Variants in ERG observed in about 807,000 individuals in gnomAD.
ERG encodes transcriptional regulator ERG.
Under a neutral mutation model 55.3 loss-of-function variants are expected in ERG, and 9 were observed. That is an observed-to-expected ratio of 0.16 (90% CI 0.10 to 0.28). ERG has a LOEUF of 0.28. Ranked by LOEUF, ERG falls within the 10% of genes least tolerant of loss-of-function variation. The pLI is 1.00. For synonymous variants in ERG, 223 were observed against 237.3 expected, an observed-to-expected ratio of 0.94 and a Z score of 0.55; for missense variants, 434 against 631.6, an observed-to-expected ratio of 0.69 and a Z score of 3.35.
intron 1 of ERG, among the ~76,000 whole-genome samples, chr21:38,450,380 AAAAAT>A (rs142712546): frequency 0.015 from 2,252 of 152,216 alleles, 67 homozygotes; most frequent in African/African-American, 0.051. Flanking sequence ...TCCATCTCAA[AAAAAT>A]AAAATAAAAT....
intron 1 of ERG, among the ~76,000 whole-genome samples, chr21:38,597,503 A>ACACACG (rs1417800637): frequency 6.7e-6 from 1 of 150,332 alleles, no homozygotes; most frequent in Non-Finnish European, 1.5e-5. Flanking sequence ...ACACACACGC[A>ACACACG]CACAGAGAAA....
At chr21:38,499,307 C>T (rs2059403716), upstream of ERG, among the ~76,000 whole-genome samples, 1 of 152,188 alleles carries the variant, frequency 6.6e-6, no homozygotes. Context: ...GTGAGGGCCC[C>T]ATTACATGTC....
At chr21:38,484,135 T>G (rs904441084) in intron 1 of ERG, among the ~76,000 whole-genome samples, 3 of 152,188 alleles carry the variant, frequency 2.0e-5, no homozygotes, top group Non-Finnish European at 4.4e-5. Context: ...TGGCTAATTT[T>G]TTGTATTTTA....
chr21:38,618,546 G>A lies in ERG; in HGVS notation c.-149-33601C>T, dbSNP rs73442414. ...GAGCAGGCAAGCTCTCTCATTTGGC[G>A]GGGAGGTTGGGGGGGAACAACTTTA... On this transcript the variant is annotated intron_variant, in intron 1 of 10. Transcript: ENST00000398910. Among the ~76,000 whole-genome samples the A allele has an allele frequency of 3.2e-3, 489 of 152,260 alleles. 5 individuals carry two copies. Among genetic ancestry groups the A allele is most frequent in the African/African-American group, 0.011 (452 of 41,552 alleles).
chr21:38,444,971 G>A (rs1186025102), intron 2 of ERG, among the ~76,000 whole-genome samples: 5 of 152,146 alleles, frequency 3.3e-5, no homozygotes, highest in Non-Finnish European at 7.3e-5. Flanking sequence ...CTCCCACAGA[G>A]CCCTCGTGCC....
chr21:38,614,767 G>A (rs764577720), intron 1 of ERG, among the ~76,000 whole-genome samples: 2 of 152,210 alleles, frequency 1.3e-5, no homozygotes, highest in Non-Finnish European at 2.9e-5. Context: ...CGGTGAGTTG[G>A]GAAGAAAAGA....
downstream of ERG, among the ~76,000 whole-genome samples, chr21:38,378,051 A>T (rs1002122659): frequency 6.6e-6 from 1 of 152,190 alleles, no homozygotes; most frequent in Non-Finnish European, 1.5e-5. Context: ...CAATTTAGAG[A>T]CACAGAGCCA....
chr21:38,648,790 C>T (rs1012745235), intron 1 of ERG, among the ~76,000 whole-genome samples: 1 of 152,214 alleles, frequency 6.6e-6, no homozygotes, highest in Non-Finnish European at 1.5e-5. Context: ...ATTCCAAAAG[C>T]ACTTCAGATC....
intron 2 of ERG, among the ~76,000 whole-genome samples, chr21:38,517,355 A>C (rs768022785): frequency 9.2e-5 from 14 of 152,198 alleles, no homozygotes; most frequent in Non-Finnish European, 1.8e-4. Flanking sequence ...CATATGAAAA[A>C]AAATACTCAA....
intron 3 of ERG, among the ~76,000 whole-genome samples, chr21:38,408,117 T>C (rs935278516): frequency 6.6e-6 from 1 of 152,170 alleles, no homozygotes; most frequent in African/African-American, 2.4e-5. Context: ...TATAAATTTC[T>C]AAGCAAACAA....
intron 1 of ERG, among the ~76,000 whole-genome samples, chr21:38,455,573 C>T (rs753424498): frequency 3.9e-5 from 6 of 152,216 alleles, no homozygotes; most frequent in African/African-American, 9.6e-5. Context: ...CAGTGTGCTA[C>T]GCATCTGGAA....
At chr21:38,533,518 G>T (rs2059687252) in intron 2 of ERG, among the ~76,000 whole-genome samples, 1 of 152,138 alleles carries the variant, frequency 6.6e-6, no homozygotes, top group Admixed American at 6.6e-5. Flanking sequence ...TTTTTTAAAA[G>T]GCATTCAGTT....
At chr21:38,661,767 G>C (rs941101882), upstream of ERG, 1 of 152,072 alleles carries the variant, frequency 6.6e-6, no homozygotes, top group African/African-American at 2.4e-5. Context: ...TCCCCATTCC[G>C]ACCAAGTGAA....
chr21:38,465,737 A>G (rs1372419671), intron 1 of ERG, among the ~76,000 whole-genome samples: 3 of 152,214 alleles, frequency 2.0e-5, no homozygotes, highest in African/African-American at 7.2e-5. Context: ...TCTATTTTTT[A>G]AAAAATGAAG....
At chr21:38,502,104 C>A (rs2059425342), upstream of ERG, among the ~76,000 whole-genome samples, 1 of 152,188 alleles carries the variant, frequency 6.6e-6, no homozygotes. Flanking sequence ...GAGAGGAGAT[C>A]CGTCTGAACC....
chr21:38,595,793 C>T (rs762088143), intron 1 of ERG, among the ~76,000 whole-genome samples: 8 of 152,134 alleles, frequency 5.3e-5, no homozygotes, highest in Admixed American at 2.0e-4. Flanking sequence ...GGCAGAACCT[C>T]GCTGGCCATC....
chr21:38,584,060 A>G (rs2060047016), intron 1 of ERG, among the ~76,000 whole-genome samples: 1 of 152,200 alleles, frequency 6.6e-6, no homozygotes, highest in South Asian at 2.1e-4. Flanking sequence ...CATCCATTTT[A>G]ATTGTACCAT....
intron 2 of ERG, among the ~76,000 whole-genome samples, chr21:38,532,528 A>G (rs1483961123): frequency 1.3e-5 from 2 of 152,226 alleles, no homozygotes. Flanking sequence ...AGGGGATTCT[A>G]AAGAAGGTGC....
At chr21:38,473,857 CGTAT>C (rs1465381570) in intron 1 of ERG, among the ~76,000 whole-genome samples, 1 of 151,244 alleles carries the variant, frequency 6.6e-6, no homozygotes, top group Non-Finnish European at 1.5e-5. Context: ...TACATGTTTG[CGTAT>C]GTATGCATGT....
Sources: allele counts gnomAD v4.1 joint callset (sites outside exome capture counted in the v4.1 genomes callset), GRCh38; gene constraint gnomAD v4.1.1; transcripts MANE v1.5; gene names NCBI Gene and HGNC (gene_info 2026-07-23, HGNC 2026-07-21).